The following ZCCHC7 variants were observed in gnomAD, a reference collection of about 807,000 sequenced individuals.
The protein encoded by ZCCHC7 is zinc finger CCHC-type containing 7.
ZCCHC7 carries 35 observed loss-of-function variants against 52.0 expected under a neutral mutation model. That is an observed-to-expected ratio of 0.67 (90% CI 0.51 to 0.89). The LOEUF (loss-of-function observed/expected upper bound fraction) is 0.89. Among genes scored for constraint, ZCCHC7 ranks in the 40% least tolerant of loss-of-function variants. The probability of loss-of-function intolerance (pLI) is 0.00; values close to 1 mark genes in which losing one functional copy is unlikely to be tolerated. For synonymous variants in ZCCHC7, 217 were observed against 221.5 expected, an observed-to-expected ratio of 0.98 and a Z score of 0.18; for missense variants, 574 against 649.1, an observed-to-expected ratio of 0.88 and a Z score of 1.26.
intron 2 of ZCCHC7, among the ~76,000 whole-genome samples, chr9:37,269,633 A>AAC (rs1827297932): frequency 6.7e-6 from 1 of 149,074 alleles, no homozygotes; most frequent in Admixed American, 6.7e-5. Context: ...AAAAAAAAAA[A>AAC]AAAAAAAAAA....
At chr9:37,332,440 A>C (rs979301608) in intron 6 of ZCCHC7, among the ~76,000 whole-genome samples, 3 of 151,704 alleles carry the variant, frequency 2.0e-5, no homozygotes, top group Non-Finnish European at 3.0e-5. Context: ...AGAATGACTA[A>C]AATTTTTAAA....
rs768829753 is a variant in ZCCHC7, at chr9:37,348,343, G to GTTCTTTCTTTCTTTCT, written c.988-1011_988-1010insTTTCTTTCTTTCTTTC. Among the ~76,000 whole-genome samples the GTTCTTTCTTTCTTTCT allele has an allele frequency of 5.3e-3, 534 of 100,058 alleles. 6 individuals are homozygous for GTTCTTTCTTTCTTTCT. The highest frequency in any genetic ancestry group is 0.016 in the African/African-American group (476 of 30,162). The allele number at this position is 100,058 out of a possible 152,430, so 65.6% of individuals were successfully genotyped here. On this transcript the variant is annotated intron_variant, in intron 6 of 8. Coordinates refer to ENST00000336755, the MANE Select transcript of ZCCHC7 (RefSeq NM_032226.3). ...TCTTTTCAATGACCAAGTGATACCA[G>GTTCTTTCTTTCTTTCT]TTCGTTCTTTCTTTCTTTCTTTCTT...
At chr9:37,286,784 C>CT (rs1828228872) in intron 2 of ZCCHC7, among the ~76,000 whole-genome samples, 1 of 128,234 alleles carries the variant, frequency 7.8e-6, no homozygotes, top group East Asian at 2.3e-4. Flanking sequence ...TCTTGATTCT[C>CT]TTTTTCCCTC....
intron 2 of ZCCHC7, among the ~76,000 whole-genome samples, chr9:37,211,266 A>G (rs953377780): frequency 1.3e-5 from 2 of 152,222 alleles, no homozygotes; most frequent in African/African-American, 4.8e-5. Context: ...GAATTGGGTC[A>G]TAATTTTTTC....
At chr9:37,161,506 C>T (rs922622413) in intron 2 of ZCCHC7, among the ~76,000 whole-genome samples, 78 of 151,798 alleles carry the variant, frequency 5.1e-4, no homozygotes, top group Middle Eastern at 3.4e-3. Flanking sequence ...ACCTGGCAGG[C>T]GGAGCTTGCA....
In ZCCHC7 at chr9:37,351,692, A is replaced by G. The variant is rs538726712; in HGVS notation, c.1083+2240A>G. On this transcript the variant is annotated intron_variant, in intron 7 of 8. Coordinates refer to ENST00000336755, the MANE Select transcript of ZCCHC7 (RefSeq NM_032226.3). ...ATTACTAAACATTCAGATGTTGTCA[A>G]CGTCTTTTAGGGAACATATTCACAT... Among the ~76,000 whole-genome samples, 31 of 152,334 alleles carry G rather than the reference A, an allele frequency of 2.0e-4. No individual in the cohort carries two copies. In the East Asian group the frequency reaches 5.0e-3, roughly 25 times the overall value.
intron 2 of ZCCHC7, among the ~76,000 whole-genome samples, chr9:37,297,916 A>G (rs78862390): frequency 0.018 from 2,752 of 152,324 alleles, 84 homozygotes; most frequent in African/African-American, 0.062. Flanking sequence ...CTTGGGGTGA[A>G]CTAGCTTCTA....
chr9:37,212,677 G>A (rs1322509765), intron 2 of ZCCHC7, among the ~76,000 whole-genome samples: 1 of 152,302 alleles, frequency 6.6e-6, no homozygotes, highest in Non-Finnish European at 1.5e-5. Flanking sequence ...CGTTCACCTT[G>A]TTGGATGAAT....
intron 4 of ZCCHC7, among the ~76,000 whole-genome samples, chr9:37,304,757 C>T (rs1386795116): frequency 6.6e-6 from 1 of 151,830 alleles, no homozygotes; most frequent in African/African-American, 2.4e-5. Context: ...AGCCTAGTGT[C>T]GGAGAAATAA....
At chr9:37,156,759 A>G (rs560718257) in intron 2 of ZCCHC7, among the ~76,000 whole-genome samples, 8 of 152,270 alleles carry the variant, frequency 5.3e-5, no homozygotes, top group African/African-American at 1.2e-4. Flanking sequence ...TTTGTCATCT[A>G]TTGTCTCTGC....
At chr9:37,150,318 C>T (rs1166855544) in intron 2 of ZCCHC7, among the ~76,000 whole-genome samples, 1 of 152,122 alleles carries the variant, frequency 6.6e-6, no homozygotes, top group Non-Finnish European at 1.5e-5. Flanking sequence ...ATTTTGAGGA[C>T]CAGTAAACAA....
intron 2 of ZCCHC7, among the ~76,000 whole-genome samples, chr9:37,170,389 G>A (rs537308315): frequency 1.6e-4 from 24 of 152,300 alleles, no homozygotes; most frequent in Admixed American, 1.1e-3. Flanking sequence ...CCTAAGAGTA[G>A]CAAATAGGTT....
intron 1 of ZCCHC7, among the ~76,000 whole-genome samples, chr9:37,123,882 G>A (rs1292565784): frequency 2.0e-5 from 3 of 152,214 alleles, no homozygotes; most frequent in Non-Finnish European, 4.4e-5. Context: ...CATTCAATTT[G>A]TGTGACAGTA....
At chr9:37,173,941 G>T (rs989564894) in intron 2 of ZCCHC7, among the ~76,000 whole-genome samples, 4 of 152,078 alleles carry the variant, frequency 2.6e-5, no homozygotes, top group African/African-American at 9.7e-5. Flanking sequence ...TATTTCTTGT[G>T]AAAGCCGTAA....
intron 1 of ZCCHC7, among the ~76,000 whole-genome samples, chr9:37,125,882 A>G (rs1842518155): frequency 6.6e-6 from 1 of 152,242 alleles, no homozygotes; most frequent in African/African-American, 2.4e-5. Flanking sequence ...ATACCCAAAT[A>G]CCATTGTGTT....
chr9:37,133,855 C>A (rs574815435), intron 2 of ZCCHC7, among the ~76,000 whole-genome samples: 1 of 152,188 alleles, frequency 6.6e-6, no homozygotes, highest in South Asian at 2.1e-4. Flanking sequence ...TCCCAAAGTG[C>A]CAGAATTATA....
At position 37,138,627 on chromosome 9, in the gene ZCCHC7, A is replaced by G. The variant is rs768756691; in HGVS notation, c.610+11685A>G. ...AAACTGCTTAAACAGAAATACCATGATATGTATTTATTGAACTAATGACTT... is the reference window on the plus strand; with the variant it reads ...AAACTGCTTAAACAGAAATACCATGGTATGTATTTATTGAACTAATGACTT... On this transcript the variant is annotated intron_variant, in intron 2 of 8. Transcript: ENST00000336755. 2.6e-5 allele frequency among the ~76,000 whole-genome samples: 4 copies of G among 151,834 alleles called. 1 individual carries two copies. The highest frequency in any genetic ancestry group is 4.1e-4 in the South Asian group (2 of 4,822).
chr9:37,224,790 T>C (rs545204296), intron 2 of ZCCHC7, among the ~76,000 whole-genome samples: 1 of 152,242 alleles, frequency 6.6e-6, no homozygotes, highest in South Asian at 2.1e-4. Context: ...TCCACAAAAC[T>C]CAATGAACCT....
intron 2 of ZCCHC7, among the ~76,000 whole-genome samples, chr9:37,262,235 A>G (rs2133450479): frequency 6.6e-6 from 1 of 152,010 alleles, no homozygotes; most frequent in East Asian, 1.9e-4. Context: ...TTTTTGGTAA[A>G]GAGATTTTTT....
Sources: allele counts gnomAD v4.1 joint callset (sites outside exome capture counted in the v4.1 genomes callset), GRCh38; gene constraint gnomAD v4.1.1; transcripts MANE v1.5; gene names NCBI Gene and HGNC (gene_info 2026-07-23, HGNC 2026-07-21).